The following DENND1C variants were observed in gnomAD, a reference collection of about 807,000 sequenced individuals.
DENND1C encodes DENN domain-containing protein 1C.
In DENND1C, 64 loss-of-function variants were observed where a neutral mutation model predicts 87.9. The ratio of observed to expected loss-of-function variants is 0.73; its 90% CI spans 0.60 to 0.90. The LOEUF (loss-of-function observed/expected upper bound fraction) is 0.90. Ranked by LOEUF, DENND1C falls within the 40% of genes least tolerant of loss-of-function variation. DENND1C has a pLI of 0.00. For synonymous variants in DENND1C, 384 were observed against 424.4 expected (o/e 0.90, Z 1.17); for missense variants, 980 against 1,037.0 (o/e 0.95, Z 0.76).
intron 6 of DENND1C, 128 bp from the exon 7 acceptor site, chr19:6,477,586 T>C (rs1255148011): frequency 8.4e-6 from 3 of 359,028 alleles, no homozygotes; most frequent in South Asian, 1.4e-4. Context: ...GAGTTTTTTT[T>C]TTTCTTTCTT....
chr19:6,473,028 G>C, intron 14 of DENND1C, 35 bp from the exon 15 acceptor site: 1 of 1,444,104 alleles, frequency 6.9e-7, no homozygotes, highest in Non-Finnish European at 9.2e-7. Flanking sequence ...GCTCCCTGGG[G>C]TGCTCCTGGC....
chr19:6,470,076 G>C, intron 18 of DENND1C: 3 of 537,348 alleles, frequency 5.6e-6, no homozygotes, highest in Non-Finnish European at 9.8e-6. Flanking sequence ...CGGGGCGGAG[G>C]GGGGCGGGTA....
At chr19:6,477,786 G>A (rs2092871719) in intron 6 of DENND1C, among the ~76,000 whole-genome samples, 1 of 148,442 alleles carries the variant, frequency 6.7e-6, no homozygotes, top group African/African-American at 2.4e-5. Context: ...CTTGTAGGCC[G>A]GGCGCGGTGG....
At position 6,468,066 on chromosome 19, in the gene DENND1C, G is replaced by C. The variant is rs1428051333; in HGVS notation, c.1844C>G (p.Pro615Arg). Residue 615 changes from proline to arginine, a missense_variant, in exon 23 of 23, where the codon CCC (proline) becomes CGC (arginine). Transcript: ENST00000381480. Reference sequence around the variant, plus strand: ...CAGGGATGGCAGGGAAAGGGGCTGGGGCTCCGGCTCTGGTAGTTTCTTATC... The same window carrying C: ...CAGGGATGGCAGGGAAAGGGGCTGGCGCTCCGGCTCTGGTAGTTTCTTATC... ...PDDKKLPEPE[P>R]QPLSLPSLQN... 1 of 1,613,922 alleles carries C rather than the reference G, an allele frequency of 6.2e-7. No individual in the cohort carries two copies. The highest frequency in any genetic ancestry group is 1.7e-5 in the Admixed American group (1 of 60,008).
chr19:6,479,281 A>AGTCCCTGTGTCCCTGAG (rs2092883296), intron 4 of DENND1C, among the ~76,000 whole-genome samples: 1 of 135,630 alleles, frequency 7.4e-6, no homozygotes, highest in African/African-American at 3.3e-5. Context: ...GGGTTTCTGG[A>AGTCCCTGTGTCCCTGAG]TCTCTGGGTC....
At chr19:6,470,691 G>A (rs1448159345) in intron 17 of DENND1C, among the ~76,000 whole-genome samples, 1 of 135,092 alleles carries the variant, frequency 7.4e-6, no homozygotes, top group Non-Finnish European at 1.5e-5. Context: ...GTGCCATCTC[G>A]GCTCACTGCA....
At chr19:6,481,388 C>T (rs1244923336) in intron 1 of DENND1C, among the ~76,000 whole-genome samples, 1 of 152,018 alleles carries the variant, frequency 6.6e-6, no homozygotes, top group Non-Finnish European at 1.5e-5. Flanking sequence ...GAAGCCATCA[C>T]TCAGACATAC....
chr19:6,471,043 C>T (rs2092826119), intron 17 of DENND1C, among the ~76,000 whole-genome samples: 2 of 151,886 alleles, frequency 1.3e-5, no homozygotes, highest in South Asian at 4.2e-4. Flanking sequence ...CAACCTCCAC[C>T]TCCTGGGGCT....
chr19:6,477,248 GA>G lies in DENND1C; in HGVS notation c.482del (p.Ile161ThrfsTer32). On this transcript the variant is annotated frameshift_variant, in exon 8 of 23. Transcript: ENST00000381480. LOFTEE classifies it high-confidence loss of function. ...SGVTVSSGQG[I>X]PPPTRGNSKP... ...TGCTATTCCCCCGGGTAGGGGGGGGGATACCCTGCCCGCTGGAGACCGTCAC... is the reference window on the plus strand; with the variant it reads ...TGCTATTCCCCCGGGTAGGGGGGGGGTACCCTGCCCGCTGGAGACCGTCAC... 6.3e-7 allele frequency: 1 copy of G among 1,583,858 alleles called. No individual in the cohort carries two copies. Among genetic ancestry groups the G allele is most frequent in the Middle Eastern group, 1.7e-4 (1 of 5,914 alleles).
intron 1 of DENND1C, chr19:6,480,403 T>G: frequency 8.5e-7 from 1 of 1,170,040 alleles, no homozygotes; most frequent in Non-Finnish European, 1.1e-6. Flanking sequence ...GGCATGAGAC[T>G]GCACAGATAT....
rs2092820401 is a variant in DENND1C, at chr19:6,470,317, G to A, written c.1340C>T (p.Ala447Val). The change falls in exon 18 of 23, where the codon GCC (alanine) becomes GTC (valine). Residue 447 changes from alanine (A) to valine (V), a missense_variant. By Grantham distance (64) the Ala-to-Val change is moderately conservative (BLOSUM62 0). Transcript: ENST00000381480. ...LHSVKAKTQP[A>V]VKNMYRSAKS... is the part of the protein sequence containing the mutation. ...CACCGAGCGGTACATGTTCTTGACGGCTGGTTGGGTCTTGGCCTTGACTGA... is the reference window on the plus strand; with the variant it reads ...CACCGAGCGGTACATGTTCTTGACGACTGGTTGGGTCTTGGCCTTGACTGA... 2 of 1,611,800 alleles carry A rather than the reference G, an allele frequency of 1.2e-6. No individual in the cohort carries two copies. The highest frequency in any genetic ancestry group is 1.7e-5 in the Admixed American group (1 of 59,644).
chr19:6,476,957 G>T lies in DENND1C; in HGVS notation c.578C>A (p.Thr193Lys). The T allele has an allele frequency of 6.2e-7, 1 of 1,613,678 alleles. No homozygotes were observed. Among genetic ancestry groups the T allele is most frequent in the South Asian group, 1.1e-5 (1 of 91,086 alleles). ...LPSIPENRNLTELVVAVTDEN... is the reference protein window; with the variant it reads ...LPSIPENRNLKELVVAVTDEN... ...GTCAGTCACGGCCACCACCAGCTCCGTTAGGTTCCTCTGAGGATCAGAGAG... is the reference window on the plus strand; with the variant it reads ...GTCAGTCACGGCCACCACCAGCTCCTTTAGGTTCCTCTGAGGATCAGAGAG... The change falls in exon 10 of 23, where the codon ACG becomes AAG. Residue 193 changes from threonine (T) to lysine (K), a missense_variant. Thr to Lys is a moderately conservative substitution (Grantham distance 78, BLOSUM62 -1). Coordinates refer to ENST00000381480, the MANE Select transcript of DENND1C (RefSeq NM_024898.4).
chr19:6,467,752 C>T lies in DENND1C; in HGVS notation c.2158G>A (p.Ala720Thr). ...ATATCAAAGTTGGGCTTTGTGGGGG[C>T]CAGAATTTGGGGGCTTTCTGGAGGG... is the stretch of plus-strand genomic sequence containing the variant. Reference protein sequence around the residue: ...PSPPESPQILAPTKPNFDIAW... With the variant: ...PSPPESPQILTPTKPNFDIAW... Residue 720 changes from alanine (A) to threonine (T), a missense_variant, in exon 23 of 23, where the codon GCC becomes ACC. Ala to Thr is a moderately conservative substitution (Grantham distance 58). Transcript: ENST00000381480. The T allele has an allele frequency of 6.6e-7, 1 of 1,519,946 alleles. No individual in the cohort carries two copies. The highest frequency in any genetic ancestry group is 8.8e-7 in the Non-Finnish European group (1 of 1,136,752). 94.2% of individuals were successfully genotyped at this position (1,519,946 alleles called of 1,614,324 possible).
rs2092802995 is a variant in DENND1C, at chr19:6,467,658, G to T, written c.2252C>A (p.Pro751His). 1 of 1,534,614 alleles carries T rather than the reference G, an allele frequency of 6.5e-7. No individual in the cohort carries two copies. Among genetic ancestry groups the T allele is most frequent in the Non-Finnish European group, 8.7e-7 (1 of 1,143,652 alleles). Residue 751 changes from proline (P) to histidine (H), a missense_variant, in exon 23 of 23, where the codon CCT (proline) becomes CAT (histidine). Coordinates refer to ENST00000381480, the MANE Select transcript of DENND1C (RefSeq NM_024898.4). ...PSSLEDPRAR[P>H]PKALLAERAH... ...GCGCTCTGCCAGCAGGGCTTTGGGA[G>T]GCCGGGCTCTGGGGTCCTCCAGAGA...
rs565004175 is a variant in DENND1C at position 6,478,594 on chromosome 19, A to G, written c.366+189T>C. ...ATTTTGTAGAGACGGGGGTCTCACT[A>G]TGTTGCCCAGCTGGTCTCGAACTCC... On this transcript the variant is annotated intron_variant, in intron 6 of 22. Coordinates refer to ENST00000381480, the MANE Select transcript of DENND1C (RefSeq NM_024898.4). Among the ~76,000 whole-genome samples, 408 of 151,666 alleles carry G rather than the reference A, an allele frequency of 2.7e-3. 2 individuals are homozygous for G. Among genetic ancestry groups the G allele is most frequent in the African/African-American group, 9.7e-3 (399 of 41,338 alleles).
Position 6,468,367 on chromosome 19 carries a change from G to A in DENND1C, c.1658C>T (p.Ser553Phe). Residue 553 changes from serine to phenylalanine, a missense_variant, in exon 22 of 23, where the codon TCT becomes TTT. Physicochemically the swap from Ser to Phe is radical, Grantham distance 155. Transcript: ENST00000381480. ...EEALDSSFLG[S>F]GEELDLLSEI... Reference sequence around the variant, plus strand: ...GCTCAACAAATCCAGTTCTTCTCCAGACCCCAAGAAGCTGCTGTCCAGAGC... The same window carrying A: ...GCTCAACAAATCCAGTTCTTCTCCAAACCCCAAGAAGCTGCTGTCCAGAGC... The A allele has an allele frequency of 6.2e-7, 1 of 1,613,916 alleles. No homozygotes were observed. The highest frequency in any genetic ancestry group is 8.5e-7 in the Non-Finnish European group (1 of 1,179,864).
At chr19:6,475,809 C>T (rs1319627512) in intron 11 of DENND1C, 28 bp downstream of exon 11, 1 of 1,521,840 alleles carries the variant, frequency 6.6e-7, no homozygotes, top group Non-Finnish European at 8.8e-7. Flanking sequence ...GCCCACAGGC[C>T]CTGCCCCTCC....
chr19:6,474,621 C>T (rs1045590620), intron 14 of DENND1C, among the ~76,000 whole-genome samples: 3 of 152,068 alleles, frequency 2.0e-5, no homozygotes, highest in South Asian at 2.1e-4. Flanking sequence ...ATGTCAGGTA[C>T]GATTCAAAGT....
rs372383995 is a variant in DENND1C, at chr19:6,477,414, G to T, written c.411C>A (p.Ser137=). The stretch of plus-strand genomic sequence containing the variant: ...CCACTGAGGCCTGGGGCCCAGACAG[G>T]GACTGCTGAAACAGATTTTGAAGAA... ...EELLQNLFQQ[S]LSGPQASVGL... is the part of the protein sequence containing the mutation. Residue 137 remains serine (S), a synonymous_variant, in exon 7 of 23, where the codon TCC becomes TCA. Transcript: ENST00000381480. 27 of 1,613,516 alleles carry T rather than the reference G, an allele frequency of 1.7e-5. No individual in the cohort carries two copies. The African/African-American group carries it at 2.8e-4, about 17-fold the overall frequency.
Sources: allele counts gnomAD v4.1 joint callset (sites outside exome capture counted in the v4.1 genomes callset), GRCh38; gene constraint gnomAD v4.1.1; transcripts MANE v1.5; gene names NCBI Gene and HGNC (gene_info 2026-07-23, HGNC 2026-07-21).